ALK: variants seen among roughly 807,000 people sequenced by gnomAD.
The protein encoded by ALK is ALK tyrosine kinase receptor.
In ALK, 74 loss-of-function variants were observed where a neutral mutation model predicts 163.1. The ratio of observed to expected loss-of-function variants is 0.45; its 90% CI spans 0.38 to 0.55. The LOEUF (loss-of-function observed/expected upper bound fraction) is 0.55, where lower values mean the gene tolerates loss of function less well. Among genes scored for constraint, ALK ranks in the 20% least tolerant of loss-of-function variants. The pLI, the probability that ALK is intolerant of heterozygous loss-of-function variation, is 0.00. For missense variants in ALK, 2,063 were observed against 2,105.3 expected (o/e 0.98, Z 0.39); for synonymous variants, 960 against 843.2 (o/e 1.14, Z -2.40).
chr2:29,366,491 G>A (rs1668511743), intron 5 of ALK, among the ~76,000 whole-genome samples: 1 of 152,196 alleles, frequency 6.6e-6, no homozygotes, highest in Admixed American at 6.5e-5. Context: ...GTCGCCCTGA[G>A]AGGGGCCCAG....
intron 4 of ALK, among the ~76,000 whole-genome samples, chr2:29,471,993 G>A (rs6740285): frequency 0.24 from 35,981 of 151,948 alleles, 4,483 homozygotes; most frequent in East Asian, 0.31. Flanking sequence ...TCCACCCACC[G>A]TGGCCTCCCA....
intron 4 of ALK, among the ~76,000 whole-genome samples, chr2:29,489,675 C>T (rs1203910415): frequency 6.6e-6 from 1 of 152,154 alleles, no homozygotes; most frequent in Non-Finnish European, 1.5e-5. Flanking sequence ...TTATTTAAGG[C>T]ATGAAGCAGT....
intron 3 of ALK, among the ~76,000 whole-genome samples, chr2:29,557,901 T>C (rs138189783): frequency 8.0e-4 from 122 of 152,276 alleles, no homozygotes; most frequent in African/African-American, 2.6e-3. Flanking sequence ...AAGCTTATAC[T>C]CATGCGCTCT....
At chr2:29,724,635 T>G (rs958354491) in intron 1 of ALK, among the ~76,000 whole-genome samples, 1 of 152,240 alleles carries the variant, frequency 6.6e-6, no homozygotes, top group Non-Finnish European at 1.5e-5. Flanking sequence ...CCATTTGTCC[T>G]AAACATATAG....
At chr2:29,302,204 G>A (rs1445039025) in intron 8 of ALK, among the ~76,000 whole-genome samples, 1 of 152,128 alleles carries the variant, frequency 6.6e-6, no homozygotes, top group African/African-American at 2.4e-5. Flanking sequence ...TCAGAGCTAG[G>A]AACAAATAGG....
chr2:29,262,215 G>A (rs933759583), intron 11 of ALK, among the ~76,000 whole-genome samples: 8 of 152,148 alleles, frequency 5.3e-5, no homozygotes, highest in Admixed American at 4.6e-4. Context: ...TAAACCTGGG[G>A]CTAAGTGAGG....
intron 3 of ALK, among the ~76,000 whole-genome samples, chr2:29,543,141 T>C (rs886797868): frequency 1.3e-5 from 2 of 152,164 alleles, no homozygotes; most frequent in African/African-American, 2.4e-5. Context: ...GGACAGAAGT[T>C]TTTATACTAT....
intron 1 of ALK, among the ~76,000 whole-genome samples, chr2:29,756,633 T>C (rs1680540513): frequency 6.6e-6 from 1 of 151,964 alleles, no homozygotes; most frequent in African/African-American, 2.4e-5. Context: ...CCCGGCAGAT[T>C]CTCCTGCCTC....
At chr2:29,252,168 G>C (rs1248601049) in intron 11 of ALK, among the ~76,000 whole-genome samples, 1 of 148,912 alleles carries the variant, frequency 6.7e-6, no homozygotes, top group African/African-American at 2.5e-5. Flanking sequence ...AGCACAAACT[G>C]CACCCCCCCA....
At chr2:29,798,663 C>T (rs1195239537) in intron 1 of ALK, among the ~76,000 whole-genome samples, 1 of 152,228 alleles carries the variant, frequency 6.6e-6, no homozygotes, top group East Asian at 1.9e-4. Context: ...ATCTAGAACC[C>T]TCTATGCTTC....
intron 4 of ALK, among the ~76,000 whole-genome samples, chr2:29,447,993 T>C (rs1484623330): frequency 6.6e-6 from 1 of 152,214 alleles, no homozygotes; most frequent in African/African-American, 2.4e-5. Flanking sequence ...TCTTTTTAAA[T>C]GACAAAGGAC....
intron 4 of ALK, among the ~76,000 whole-genome samples, chr2:29,510,572 A>G (rs1672482922): frequency 6.6e-6 from 1 of 152,250 alleles, no homozygotes; most frequent in Non-Finnish European, 1.5e-5. Context: ...TATTGTGTAC[A>G]ATAATTATAA....
intron 2 of ALK, among the ~76,000 whole-genome samples, chr2:29,710,550 C>T (rs1679058993): frequency 6.7e-6 from 1 of 150,088 alleles, no homozygotes; most frequent in Admixed American, 6.7e-5. Context: ...GAGTCTCGTT[C>T]TGTCACCCAG....
intron 4 of ALK, among the ~76,000 whole-genome samples, chr2:29,444,160 G>A (rs936179180): frequency 1.3e-5 from 2 of 152,192 alleles, no homozygotes; most frequent in African/African-American, 4.8e-5. Context: ...GAGGCTTTTG[G>A]GGGTAGGACA....
At chr2:29,798,118 C>A (rs535665172) in intron 1 of ALK, among the ~76,000 whole-genome samples, 7 of 152,324 alleles carry the variant, frequency 4.6e-5, no homozygotes, top group African/African-American at 1.7e-4. Flanking sequence ...CTCACACCTG[C>A]CAGTGTCCTT....
intron 12 of ALK, among the ~76,000 whole-genome samples, chr2:29,247,332 C>A (rs1664705337): frequency 6.6e-6 from 1 of 152,214 alleles, no homozygotes; most frequent in African/African-American, 2.4e-5. Context: ...GGCACAGCAT[C>A]CTAATTGGTG....
Position 29,193,129 on chromosome 2 carries a change from T to G in ALK, c.*95A>C. ...AAATAGGTTGGCACAAAACAAAACG[T>G]GACATTTGGTCTCTGGTTTGTGAAG... On this transcript the variant is annotated 3_prime_UTR_variant, in exon 29 of 29. Transcript: ENST00000389048. 2.9e-5 allele frequency: 39 copies of G among 1,357,122 alleles called. No individual in the cohort carries two copies. Among genetic ancestry groups the G allele is most frequent in the Non-Finnish European group, 3.6e-5 (35 of 964,676 alleles). 84.1% of individuals were successfully genotyped at this position (1,357,122 alleles called of 1,614,324 possible).
chr2:29,378,345 C>G (rs1668808382), intron 5 of ALK, among the ~76,000 whole-genome samples: 1 of 152,168 alleles, frequency 6.6e-6, no homozygotes, highest in Non-Finnish European at 1.5e-5. Flanking sequence ...TCAATTTCTA[C>G]ATGGCAAGGG....
At chr2:29,729,009 G>A (rs929746887) in intron 1 of ALK, among the ~76,000 whole-genome samples, 10 of 152,294 alleles carry the variant, frequency 6.6e-5, no homozygotes, top group Middle Eastern at 3.4e-3. Flanking sequence ...GCTCTGCCCC[G>A]TAACAGGACT....
Sources: allele counts gnomAD v4.1 joint callset (sites outside exome capture counted in the v4.1 genomes callset), GRCh38; gene constraint gnomAD v4.1.1; transcripts MANE v1.5; gene names NCBI Gene and HGNC (gene_info 2026-07-23, HGNC 2026-07-21).